The following DCC variants were observed in gnomAD, a reference collection of about 807,000 sequenced individuals.
The protein encoded by DCC is netrin receptor DCC.
Under a neutral mutation model 172.5 loss-of-function variants are expected in DCC, and 58 were observed. The ratio of observed to expected loss-of-function variants is 0.34; its 90% CI spans 0.27 to 0.42. The LOEUF is 0.42. Ranked by LOEUF, DCC falls within the 10% of genes least tolerant of loss-of-function variation. The pLI, the probability that DCC is intolerant of heterozygous loss-of-function variation, is 1.00. For synonymous variants in DCC, 709 were observed against 644.5 expected, an observed-to-expected ratio of 1.10 and a Z score of -1.52; for missense variants, 1,740 against 1,791.0, an observed-to-expected ratio of 0.97 and a Z score of 0.51.
intron 1 of DCC, among the ~76,000 whole-genome samples, chr18:52,623,738 C>T (rs1288505081): frequency 6.6e-6 from 1 of 152,128 alleles, no homozygotes; most frequent in African/African-American, 2.4e-5. Flanking sequence ...TTTTCTATCT[C>T]TGCATCTCCC....
At chr18:52,815,680 CAAAAT>C (rs1291652570) in intron 2 of DCC, among the ~76,000 whole-genome samples, 1 of 152,082 alleles carries the variant, frequency 6.6e-6, no homozygotes, top group Non-Finnish European at 1.5e-5. Context: ...GTTTACAAAA[CAAAAT>C]AATTATGTTT....
chr18:53,317,759 G>C (rs1186826752), intron 13 of DCC, among the ~76,000 whole-genome samples: 1 of 152,136 alleles, frequency 6.6e-6, no homozygotes, highest in Admixed American at 6.5e-5. Context: ...AGATTTTCTA[G>C]TTTATTTGCA....
At chr18:52,804,804 G>T (rs951807701) in intron 2 of DCC, among the ~76,000 whole-genome samples, 1 of 152,014 alleles carries the variant, frequency 6.6e-6, no homozygotes, top group Admixed American at 6.6e-5. Flanking sequence ...GGATGATGTC[G>T]ATCTCCTGAC....
intron 13 of DCC, among the ~76,000 whole-genome samples, chr18:53,311,098 T>A (rs1198604946): frequency 2.0e-5 from 3 of 147,794 alleles, no homozygotes; most frequent in African/African-American, 7.5e-5. Context: ...GGGTTTTATT[T>A]TATTTCATTT....
chr18:52,379,929 A>G (rs2144321174), intron 1 of DCC, among the ~76,000 whole-genome samples: 1 of 152,298 alleles, frequency 6.6e-6, no homozygotes. Flanking sequence ...TTATAAGAAT[A>G]GAAATTGATT....
intron 1 of DCC, among the ~76,000 whole-genome samples, chr18:52,481,346 A>T (rs2029953286): frequency 6.7e-6 from 1 of 150,240 alleles, no homozygotes; most frequent in South Asian, 2.1e-4. Context: ...TGTCACCTGC[A>T]ATCCTGGGAG....
chr18:53,170,835 C>G (rs941462733), intron 8 of DCC, among the ~76,000 whole-genome samples: 4 of 152,118 alleles, frequency 2.6e-5, no homozygotes, highest in African/African-American at 9.7e-5. Context: ...CAGTCCTGAA[C>G]TACTTACTCC....
chr18:52,724,421 T>A (rs11873548), intron 1 of DCC, among the ~76,000 whole-genome samples: 5,549 of 152,270 alleles, frequency 0.036, 134 homozygotes, highest in Admixed American at 0.049. Flanking sequence ...AGTGCTGAGA[T>A]TACAGGTGTG....
chr18:53,005,508 CA>C, intron 5 of DCC, among the ~76,000 whole-genome samples: 1 of 152,228 alleles, frequency 6.6e-6, no homozygotes, highest in South Asian at 2.1e-4. Flanking sequence ...CCAAGTTGGG[CA>C]GATTCTTGAG....
intron 12 of DCC, among the ~76,000 whole-genome samples, chr18:53,288,254 C>T (rs1452056064): frequency 2.6e-5 from 4 of 152,072 alleles, no homozygotes; most frequent in Non-Finnish European, 2.9e-5. Flanking sequence ...ATTTCTAGAA[C>T]ATGAATATTT....
In DCC at chr18:53,512,473, C is replaced by T. The variant is rs1415166721; in HGVS notation, c.4111+12963C>T. 9.3e-5 allele frequency among the ~76,000 whole-genome samples: 14 copies of T among 150,540 alleles called. 1 individual carries two copies. Among genetic ancestry groups the T allele is most frequent in the African/African-American group, 2.2e-4 (9 of 40,768 alleles). On this transcript the variant is annotated intron_variant, in intron 27 of 28. Coordinates refer to ENST00000442544, the MANE Select transcript of DCC (RefSeq NM_005215.4). Reference sequence around the variant, plus strand: ...AAAGCTGGATGGAGAATGACTTTGACGAGCTGAGAGAAGAAGGCTTCAGAC... The same window carrying T: ...AAAGCTGGATGGAGAATGACTTTGATGAGCTGAGAGAAGAAGGCTTCAGAC...
At chr18:53,184,370 G>T (rs975379258) in intron 9 of DCC, among the ~76,000 whole-genome samples, 8 of 151,936 alleles carry the variant, frequency 5.3e-5, no homozygotes, top group African/African-American at 1.9e-4. Context: ...TACATTCCAA[G>T]AAATGCATCA....
intron 10 of DCC, among the ~76,000 whole-genome samples, chr18:53,206,609 A>T (rs537053297): frequency 1.2e-5 from 1 of 86,502 alleles, no homozygotes; most frequent in South Asian, 2.6e-4. Context: ...ATACATATCT[A>T]TGTATAATAT....
intron 12 of DCC, among the ~76,000 whole-genome samples, chr18:53,286,835 C>A (rs2056941078): frequency 6.6e-6 from 1 of 152,138 alleles, no homozygotes; most frequent in East Asian, 1.9e-4. Flanking sequence ...GGGGTGTTTC[C>A]AACTCTACAA....
At chr18:53,464,480 G>A (rs371565198) in intron 24 of DCC, among the ~76,000 whole-genome samples, 2 of 151,958 alleles carry the variant, frequency 1.3e-5, no homozygotes, top group East Asian at 3.9e-4. Flanking sequence ...TGGACCAATG[G>A]TAAATAATGT....
intron 1 of DCC, among the ~76,000 whole-genome samples, chr18:52,356,065 G>A (rs1338152587): frequency 6.6e-6 from 1 of 152,166 alleles, no homozygotes; most frequent in Non-Finnish European, 1.5e-5. Context: ...CTTTTCCCAA[G>A]CGAATTTATG....
At chr18:53,176,566 A>G (rs2055098413) in intron 8 of DCC, among the ~76,000 whole-genome samples, 2 of 152,072 alleles carry the variant, frequency 1.3e-5, no homozygotes, top group East Asian at 1.9e-4. Flanking sequence ...CAGCCAAAAA[A>G]CACATGAAAA....
intron 5 of DCC, among the ~76,000 whole-genome samples, chr18:52,927,747 G>C (rs906121581): frequency 3.9e-5 from 6 of 151,970 alleles, no homozygotes; most frequent in African/African-American, 1.4e-4. Context: ...ATTACTAAAA[G>C]GTCAAAAAAT....
At chr18:52,761,272 G>A (rs186664802) in intron 2 of DCC, among the ~76,000 whole-genome samples, 1 of 152,246 alleles carries the variant, frequency 6.6e-6, no homozygotes, top group East Asian at 1.9e-4. Flanking sequence ...AGAACAGTAT[G>A]GGAAAGACCT....
Sources: gnomAD v4.1 joint callset for allele counts (sites outside exome capture counted in the v4.1 genomes callset) on GRCh38, gnomAD v4.1.1 for gene constraint, MANE v1.5 for transcripts, NCBI Gene and HGNC (gene_info 2026-07-23, HGNC 2026-07-21) for gene names.